PPFIA2: variants seen among roughly 807,000 people sequenced by gnomAD.
PPFIA2 encodes the protein PPFI scaffold protein A2.
PPFIA2 carries 46 observed loss-of-function variants against 175.5 expected under a neutral mutation model. That is an observed-to-expected ratio of 0.26 (90% CI 0.21 to 0.34). The LOEUF (loss-of-function observed/expected upper bound fraction) is 0.34. PPFIA2 is among the 10% of genes least tolerant of loss of function. The pLI, the probability that PPFIA2 is intolerant of heterozygous loss-of-function variation, is 1.00. For missense variants in PPFIA2, 1,179 were observed against 1,506.1 expected (o/e 0.78, Z 3.60); for synonymous variants, 568 against 511.4 (o/e 1.11, Z -1.49).
At chr12:81,632,674 G>C (rs965150506) in intron 4 of PPFIA2, among the ~76,000 whole-genome samples, 1 of 150,994 alleles carries the variant, frequency 6.6e-6, no homozygotes, top group African/African-American at 2.4e-5. Context: ...TACACAATAT[G>C]TTTAATTTCT....
At chr12:81,417,604 G>A (rs1180153008) in intron 7 of PPFIA2, among the ~76,000 whole-genome samples, 2 of 151,592 alleles carry the variant, frequency 1.3e-5, no homozygotes, top group Non-Finnish European at 3.0e-5. Context: ...AATAACAAAA[G>A]CATACTAAAC....
At chr12:81,287,673 A>G (rs2043810623) in intron 24 of PPFIA2, among the ~76,000 whole-genome samples, 1 of 151,838 alleles carries the variant, frequency 6.6e-6, no homozygotes, top group South Asian at 2.1e-4. Context: ...TCAATTATTC[A>G]ATCAGATTGC....
intron 4 of PPFIA2, among the ~76,000 whole-genome samples, chr12:81,660,699 C>A (rs1596120004): frequency 6.6e-6 from 1 of 152,166 alleles, no homozygotes; most frequent in East Asian, 1.9e-4. Context: ...ACAGAGAACG[C>A]CACAAAGATA....
At chr12:81,418,694 T>C (rs2045744127) in intron 7 of PPFIA2, among the ~76,000 whole-genome samples, 1 of 151,934 alleles carries the variant, frequency 6.6e-6, no homozygotes, top group African/African-American at 2.4e-5. Context: ...GGTTCTTGTC[T>C]ATCTCTTTAA....
At chr12:81,437,331 G>A (rs2049256437) in intron 7 of PPFIA2, among the ~76,000 whole-genome samples, 1 of 152,116 alleles carries the variant, frequency 6.6e-6, no homozygotes, top group Admixed American at 6.5e-5. Flanking sequence ...CAGGGTTCAC[G>A]CCATTCTCCT....
rs114660835 is a variant in PPFIA2 at position 81,701,820 on chromosome 12, G to A, written c.250-24976C>T. ...AAGCTTATTATTTGTGTTTCATTTCGTCAGTCACACAACTGTTCTGATGAA... is the reference window on the plus strand; with the variant it reads ...AAGCTTATTATTTGTGTTTCATTTCATCAGTCACACAACTGTTCTGATGAA... On this transcript the variant is annotated intron_variant, in intron 3 of 32. Transcript: ENST00000549396. 4.7e-3 allele frequency among the ~76,000 whole-genome samples: 700 copies of A among 148,934 alleles called. 6 individuals are homozygous for A. The highest frequency in any genetic ancestry group is 0.014 in the African/African-American group (566 of 40,442).
intron 4 of PPFIA2, among the ~76,000 whole-genome samples, chr12:81,618,779 G>A (rs914704672): frequency 4.0e-5 from 6 of 151,346 alleles, no homozygotes; most frequent in African/African-American, 1.2e-4. Flanking sequence ...TGATCCACCC[G>A]CCTCGGCCTC....
At chr12:81,633,805 A>T (rs1337998160) in intron 4 of PPFIA2, among the ~76,000 whole-genome samples, 3 of 152,070 alleles carry the variant, frequency 2.0e-5, no homozygotes, top group Non-Finnish European at 4.4e-5. Flanking sequence ...GATGGTATTT[A>T]AGGTAATTTT....
intron 23 of PPFIA2, 119 bp downstream of exon 23, chr12:81,299,182 T>C (rs989857205): frequency 2.2e-6 from 3 of 1,339,794 alleles, no homozygotes; most frequent in African/African-American, 2.9e-5. Flanking sequence ...AATAGTCCCT[T>C]ATGAGCAATT....
intron 4 of PPFIA2, among the ~76,000 whole-genome samples, chr12:81,571,548 C>G (rs940693787): frequency 2.0e-5 from 3 of 152,008 alleles, no homozygotes; most frequent in Non-Finnish European, 2.9e-5. Flanking sequence ...AGTTACTCAT[C>G]TGGAAGTAGT....
chr12:81,408,666 A>G (rs951514449), intron 7 of PPFIA2, among the ~76,000 whole-genome samples: 1 of 152,220 alleles, frequency 6.6e-6, no homozygotes, highest in Admixed American at 6.5e-5. Context: ...TTGAGCCACT[A>G]TGATTTTTAA....
Position 81,295,585 on chromosome 12 carries a change from G to A in PPFIA2, c.2725-550C>T, listed in dbSNP as rs2046254374. On this transcript the variant is annotated intron_variant, in intron 23 of 32. Transcript: ENST00000549396. The stretch of plus-strand genomic sequence containing the variant: ...GAAAGATGTGTGAACTTAATTAGAT[G>A]CTATATATGAAAATGCCTTTTAGAG... 2.6e-5 allele frequency among the ~76,000 whole-genome samples: 4 copies of A among 152,146 alleles called. No individual in the cohort carries two copies. The South Asian group carries it at 8.3e-4, about 31-fold the overall frequency.
chr12:81,299,255 A>G (rs1411860396), intron 23 of PPFIA2, 46 bp downstream of exon 23: 3 of 1,550,422 alleles, frequency 1.9e-6, no homozygotes, highest in South Asian at 2.4e-5. Flanking sequence ...AAAATTATCA[A>G]CTTAGTAGTG....
At chr12:81,378,491 T>A (rs986080359) in intron 9 of PPFIA2, among the ~76,000 whole-genome samples, 2 of 152,222 alleles carry the variant, frequency 1.3e-5, no homozygotes, top group Non-Finnish European at 2.9e-5. Flanking sequence ...AGATTTTAGA[T>A]ATCCTAAATA....
At chr12:81,416,951 C>T (rs1235380435) in intron 7 of PPFIA2, among the ~76,000 whole-genome samples, 2 of 151,500 alleles carry the variant, frequency 1.3e-5, no homozygotes, top group Non-Finnish European at 3.0e-5. Flanking sequence ...TTTCAAAAGT[C>T]TCAATAAATA....
chr12:81,581,306 C>T (rs1366108290), intron 4 of PPFIA2, among the ~76,000 whole-genome samples: 1 of 151,674 alleles, frequency 6.6e-6, no homozygotes, highest in Non-Finnish European at 1.5e-5. Flanking sequence ...TAAACGAGGT[C>T]CAGATTGGGC....
intron 3 of PPFIA2, among the ~76,000 whole-genome samples, chr12:81,722,297 A>G (rs1195397948): frequency 6.6e-6 from 1 of 151,080 alleles, no homozygotes. Flanking sequence ...ACAGTGTATG[A>G]CAATCATCAT....
At chr12:81,477,108 G>A (rs563426362) in intron 4 of PPFIA2, among the ~76,000 whole-genome samples, 5 of 151,964 alleles carry the variant, frequency 3.3e-5, no homozygotes, top group Non-Finnish European at 5.9e-5. Context: ...TGTATGCTGT[G>A]CTTAATACTT....
chr12:81,526,697 T>A (rs925732303), intron 4 of PPFIA2, among the ~76,000 whole-genome samples: 1 of 152,194 alleles, frequency 6.6e-6, no homozygotes, highest in Non-Finnish European at 1.5e-5. Flanking sequence ...TAGAACACTA[T>A]GACTTTTTAG....
Sources: allele counts gnomAD v4.1 joint callset (sites outside exome capture counted in the v4.1 genomes callset), GRCh38; gene constraint gnomAD v4.1.1; transcripts MANE v1.5; gene names NCBI Gene and HGNC (gene_info 2026-07-23, HGNC 2026-07-21).